GALNT13: variants seen among roughly 807,000 people sequenced by gnomAD.
GALNT13 encodes UDP-GalNAc:polypeptide N-acetylgalactosaminyltransferase 13.
Under a neutral mutation model 64.2 loss-of-function variants are expected in GALNT13, and 28 were observed. The observed-to-expected ratio is 0.44, with a 90% CI of 0.32 to 0.60. The LOEUF (loss-of-function observed/expected upper bound fraction) is 0.60, where lower values mean the gene tolerates loss of function less well. Ranked by LOEUF, GALNT13 falls within the 20% of genes least tolerant of loss-of-function variation. The probability of loss-of-function intolerance (pLI) is 0.05; values close to 1 mark genes in which losing one functional copy is unlikely to be tolerated. For synonymous variants in GALNT13, 214 were observed against 224.6 expected, an observed-to-expected ratio of 0.95 and a Z score of 0.42; for missense variants, 577 against 669.8, an observed-to-expected ratio of 0.86 and a Z score of 1.53.
chr2:153,748,134 TATTCCACAGTTC>T, the GALNT13 span, among the ~76,000 whole-genome samples: 19 of 152,164 alleles, frequency 1.2e-4, no homozygotes, highest in African/African-American at 4.6e-4. Context: ...ATTTGGTATA[TATTCCACAGTTC>T]ATTTATCCTA....
intron 9 of GALNT13, among the ~76,000 whole-genome samples, chr2:154,316,723 G>GC (rs918508312): frequency 5.9e-5 from 9 of 152,196 alleles, no homozygotes; most frequent in African/African-American, 1.9e-4. Flanking sequence ...TTCTTCTTTT[G>GC]CCCCAAGTCC....
At chr2:153,600,179 A>G in the GALNT13 span, among the ~76,000 whole-genome samples, 1 of 152,026 alleles carries the variant, frequency 6.6e-6, no homozygotes, top group Non-Finnish European at 1.5e-5. Flanking sequence ...CATGCCGTGT[A>G]CATGCAGCCT....
chr2:154,417,066 A>G (rs1278245162), intron 11 of GALNT13, among the ~76,000 whole-genome samples: 2 of 151,980 alleles, frequency 1.3e-5, no homozygotes, highest in African/African-American at 4.8e-5. Context: ...GATTCATTCT[A>G]CTAGTCTTTT....
chr2:153,811,581 A>G, the GALNT13 span, among the ~76,000 whole-genome samples: 2 of 152,320 alleles, frequency 1.3e-5, no homozygotes, highest in Admixed American at 6.5e-5. Flanking sequence ...GCATTGTTGA[A>G]CAAATAAATC....
At chr2:154,351,807 A>G (rs1192220900) in intron 9 of GALNT13, among the ~76,000 whole-genome samples, 1 of 150,834 alleles carries the variant, frequency 6.6e-6, no homozygotes, top group Non-Finnish European at 1.5e-5. Context: ...ATCTATCACA[A>G]GGAATAGTGT....
chr2:153,311,832 G>T, the GALNT13 span, among the ~76,000 whole-genome samples: 1 of 152,216 alleles, frequency 6.6e-6, no homozygotes, highest in African/African-American at 2.4e-5. Flanking sequence ...AAAGTATTCA[G>T]TCCAGCCTGC....
intron 3 of GALNT13, among the ~76,000 whole-genome samples, chr2:154,114,149 G>A (rs1258273358): frequency 6.6e-6 from 1 of 152,112 alleles, no homozygotes; most frequent in African/African-American, 2.4e-5. Context: ...TCCCTCCAGA[G>A]ATGCAATATT....
chr2:153,524,384 C>A, the GALNT13 span, among the ~76,000 whole-genome samples: 1 of 151,074 alleles, frequency 6.6e-6, no homozygotes, highest in Non-Finnish European at 1.5e-5. Context: ...ATTATTCCCC[C>A]TGCAAGGACA....
In GALNT13 at chr2:153,918,591, T is replaced by C. The variant is rs549355469; in HGVS notation, c.-105+17584T>C. 3.3e-5 allele frequency among the ~76,000 whole-genome samples: 5 copies of C among 152,186 alleles called. No individual in the cohort carries two copies. In the South Asian group the frequency reaches 8.3e-4, roughly 25 times the overall value. On this transcript the variant is annotated intron_variant, in intron 2 of 12. Transcript: ENST00000392825. ...TAACTTACCAGTGTCCCTAAATCCTTTTATTCTCCCCTTCTATTGATGCCT... is the reference window on the plus strand; with the variant it reads ...TAACTTACCAGTGTCCCTAAATCCTCTTATTCTCCCCTTCTATTGATGCCT...
At chr2:153,069,616 G>A in the GALNT13 span, among the ~76,000 whole-genome samples, 3 of 152,102 alleles carry the variant, frequency 2.0e-5, no homozygotes, top group African/African-American at 7.2e-5. Context: ...GCTATTAAAT[G>A]GCTGAACAGG....
At chr2:153,990,044 C>T (rs1267910042) in intron 3 of GALNT13, among the ~76,000 whole-genome samples, 1 of 151,994 alleles carries the variant, frequency 6.6e-6, no homozygotes, top group African/African-American at 2.4e-5. Context: ...CATAGAGTAA[C>T]ATAAGTAGCA....
At chr2:153,697,030 G>A in the GALNT13 span, among the ~76,000 whole-genome samples, 2 of 152,136 alleles carry the variant, frequency 1.3e-5, no homozygotes, top group Admixed American at 6.6e-5. Context: ...AAAATCTGAG[G>A]GTTTGCAGAA....
At chr2:153,368,871 T>G in the GALNT13 span, among the ~76,000 whole-genome samples, 1 of 151,962 alleles carries the variant, frequency 6.6e-6, no homozygotes, top group Non-Finnish European at 1.5e-5. Context: ...CAGCACATAC[T>G]TTACTTTAAA....
At chr2:153,587,586 A>G in the GALNT13 span, among the ~76,000 whole-genome samples, 2 of 152,128 alleles carry the variant, frequency 1.3e-5, no homozygotes, top group Non-Finnish European at 2.9e-5. Context: ...CTTATTCACT[A>G]TCACAAGAAC....
intron 3 of GALNT13, among the ~76,000 whole-genome samples, chr2:154,067,326 A>G (rs13035455): frequency 6.6e-6 from 1 of 151,954 alleles, no homozygotes; most frequent in African/African-American, 2.4e-5. Context: ...AAACTCTCCA[A>G]TCAAAAGGCA....
chr2:154,289,020 C>T (rs947555617), intron 8 of GALNT13, among the ~76,000 whole-genome samples: 6 of 152,348 alleles, frequency 3.9e-5, no homozygotes, highest in African/African-American at 1.4e-4. Context: ...CTGAGGGCTG[C>T]ACCCCTGTAG....
At chr2:153,555,914 A>G in the GALNT13 span, among the ~76,000 whole-genome samples, 1 of 152,270 alleles carries the variant, frequency 6.6e-6, no homozygotes, top group African/African-American at 2.4e-5. Flanking sequence ...TTGATACATT[A>G]AACACAGCAT....
chr2:153,189,110 C>G, the GALNT13 span, among the ~76,000 whole-genome samples: 5 of 152,150 alleles, frequency 3.3e-5, no homozygotes, highest in African/African-American at 9.7e-5. Flanking sequence ...TGAGCCGTCT[C>G]TCTTATCCTT....
the GALNT13 span, among the ~76,000 whole-genome samples, chr2:153,497,006 A>G: frequency 1.3e-5 from 2 of 151,526 alleles, no homozygotes; most frequent in Admixed American, 6.6e-5. Context: ...AAAAAAAAAA[A>G]AAAAAAAGAA....
Sources: allele counts gnomAD v4.1 joint callset (sites outside exome capture counted in the v4.1 genomes callset), GRCh38; gene constraint gnomAD v4.1.1; transcripts MANE v1.5; gene names NCBI Gene and HGNC (gene_info 2026-07-23, HGNC 2026-07-21).